The following TRABD2B variants were observed in gnomAD, a reference collection of about 807,000 sequenced individuals.
TRABD2B encodes metalloprotease TIKI2.
In TRABD2B, 14 loss-of-function variants were observed where a neutral mutation model predicts 40.1. That is an observed-to-expected ratio of 0.35 (90% CI 0.23 to 0.55). TRABD2B has a LOEUF of 0.55. TRABD2B is among the 20% of genes least tolerant of loss of function. The probability of loss-of-function intolerance (pLI) is 0.90; values close to 1 mark genes in which losing one functional copy is unlikely to be tolerated. For synonymous variants in TRABD2B, 263 were observed against 277.0 expected (o/e 0.95, Z 0.50); for missense variants, 541 against 648.6 (o/e 0.83, Z 1.80).
rs575902721 is a variant in TRABD2B at position 47,765,728 on chromosome 1, C to G, written c.*174G>C. 3.2e-6 allele frequency: 2 copies of G among 628,626 alleles called. No homozygotes were observed. Among genetic ancestry groups the G allele is most frequent in the Non-Finnish European group, 5.7e-6 (2 of 350,516 alleles). 38.9% of individuals were successfully genotyped at this position (628,626 alleles called of 1,614,324 possible). ...AGCACTATGGGAAATTAAGATCCTT[C>G]TACAAAAAAGAAGATGTAACTTGGG... On this transcript the variant is annotated 3_prime_UTR_variant, in exon 7 of 7. Transcript: ENST00000606738.
chr1:47,862,883 CA>C (rs932822688), intron 2 of TRABD2B, among the ~76,000 whole-genome samples: 16 of 152,072 alleles, frequency 1.1e-4, no homozygotes, highest in African/African-American at 3.9e-4. Flanking sequence ...AAAGAAAAGA[CA>C]AATAGATCAA....
chr1:47,870,493 ACCCACCTATGTCTGT>A (rs1262109379), intron 2 of TRABD2B, among the ~76,000 whole-genome samples: 2 of 152,080 alleles, frequency 1.3e-5, no homozygotes, highest in African/African-American at 4.8e-5. Flanking sequence ...TCTCCCAGGC[ACCCACCTATGTCTGT>A]CTGTGTCTTT....
chr1:47,868,300 A>G (rs1372799881), intron 2 of TRABD2B, among the ~76,000 whole-genome samples: 1 of 152,190 alleles, frequency 6.6e-6, no homozygotes, highest in Non-Finnish European at 1.5e-5. Context: ...TATGGCTGGT[A>G]AACACTTTTC....
At chr1:47,775,711 GA>G (rs1644436138) in intron 5 of TRABD2B, among the ~76,000 whole-genome samples, 1 of 152,196 alleles carries the variant, frequency 6.6e-6, no homozygotes, top group African/African-American at 2.4e-5. Flanking sequence ...CAGCATGATG[GA>G]AACAGACAAT....
Position 47,954,997 on chromosome 1 carries a change from A to G in TRABD2B, c.666+39037T>C, listed in dbSNP as rs560371983. ...ACTCCCTAGGGCCCAACTGCCTGACAGCCTGTCCACTTGAGTCCTTCACAT... is the reference window on the plus strand; with the variant it reads ...ACTCCCTAGGGCCCAACTGCCTGACGGCCTGTCCACTTGAGTCCTTCACAT... On this transcript the variant is annotated intron_variant, in intron 2 of 6. Coordinates refer to ENST00000606738, the MANE Select transcript of TRABD2B (RefSeq NM_001194986.2). Among the ~76,000 whole-genome samples, 14 of 152,132 alleles carry G rather than the reference A, an allele frequency of 9.2e-5. No homozygotes were observed. In the South Asian group the frequency reaches 2.9e-3, roughly 32 times the overall value.
At chr1:47,800,442 T>C (rs1356519071) in intron 3 of TRABD2B, among the ~76,000 whole-genome samples, 2 of 151,642 alleles carry the variant, frequency 1.3e-5, no homozygotes, top group Non-Finnish European at 2.9e-5. Flanking sequence ...AGCTGGTGAG[T>C]TGGGTTCGCA....
intron 2 of TRABD2B, among the ~76,000 whole-genome samples, chr1:47,834,878 A>G (rs1645298201): frequency 1.3e-5 from 2 of 152,226 alleles, no homozygotes; most frequent in South Asian, 2.1e-4. Context: ...CTAGAAATAC[A>G]TAGAAACAAG....
At chr1:47,846,619 C>T (rs1389828024) in intron 2 of TRABD2B, among the ~76,000 whole-genome samples, 2 of 152,058 alleles carry the variant, frequency 1.3e-5, no homozygotes, top group Non-Finnish European at 2.9e-5. Context: ...TCAGGGAAGG[C>T]AAGGCATCTG....
At chr1:47,832,326 C>T (rs1416418989) in intron 2 of TRABD2B, among the ~76,000 whole-genome samples, 3 of 151,258 alleles carry the variant, frequency 2.0e-5, no homozygotes, top group East Asian at 1.9e-4. Flanking sequence ...AGCAAGACTC[C>T]GTCTCAAAAA....
chr1:47,988,689 G>C (rs1645956543), intron 2 of TRABD2B, among the ~76,000 whole-genome samples: 1 of 152,136 alleles, frequency 6.6e-6, no homozygotes, highest in Admixed American at 6.5e-5. Flanking sequence ...TTTCAGACTT[G>C]GTTGGCCTAG....
intron 2 of TRABD2B, among the ~76,000 whole-genome samples, chr1:47,889,948 G>A (rs1225978688): frequency 6.6e-6 from 1 of 152,240 alleles, no homozygotes; most frequent in East Asian, 1.9e-4. Flanking sequence ...GGAAGCCAAA[G>A]TAAATTATTA....
chr1:47,849,310 T>C (rs147539116), intron 2 of TRABD2B, among the ~76,000 whole-genome samples: 1 of 152,134 alleles, frequency 6.6e-6, no homozygotes, highest in Admixed American at 6.5e-5. Flanking sequence ...TGTGTACAAC[T>C]GGACAATCAC....
At position 47,790,970 on chromosome 1, in the gene TRABD2B, A is replaced by T. The variant is rs532171130; in HGVS notation, c.988+3616T>A. On this transcript the variant is annotated intron_variant, in intron 4 of 6. Coordinates refer to ENST00000606738, the MANE Select transcript of TRABD2B (RefSeq NM_001194986.2). ...TTGGAGGTGAAATGGCTTTCCCAGCATCTCTTAGCTCACAGTGGCAGAGCC... is the reference window on the plus strand; with the variant it reads ...TTGGAGGTGAAATGGCTTTCCCAGCTTCTCTTAGCTCACAGTGGCAGAGCC... Among the ~76,000 whole-genome samples the T allele has an allele frequency of 2.6e-3, 391 of 152,326 alleles. 1 individual carries two copies. The highest frequency in any genetic ancestry group is 3.7e-3 in the Non-Finnish European group (250 of 68,020).
At chr1:47,965,924 G>A (rs1645595462) in intron 2 of TRABD2B, among the ~76,000 whole-genome samples, 1 of 152,062 alleles carries the variant, frequency 6.6e-6, no homozygotes, top group African/African-American at 2.4e-5. Flanking sequence ...CCGTCAAGAA[G>A]AATATTTTGC....
chr1:47,957,282 C>A (rs909215438), intron 2 of TRABD2B, among the ~76,000 whole-genome samples: 1 of 152,176 alleles, frequency 6.6e-6, no homozygotes, highest in African/African-American at 2.4e-5. Flanking sequence ...GCTGAAAATT[C>A]TAAAAATCAG....
At chr1:47,915,435 T>C (rs1187721137) in intron 2 of TRABD2B, among the ~76,000 whole-genome samples, 1 of 152,154 alleles carries the variant, frequency 6.6e-6, no homozygotes, top group Non-Finnish European at 1.5e-5. Context: ...GGCCCTACAT[T>C]GGATCATTAC....
intron 2 of TRABD2B, among the ~76,000 whole-genome samples, chr1:47,868,635 C>T (rs898500521): frequency 2.6e-5 from 4 of 152,164 alleles, no homozygotes; most frequent in African/African-American, 9.7e-5. Flanking sequence ...AATCTAATGC[C>T]TGATGATCTG....
intron 2 of TRABD2B, among the ~76,000 whole-genome samples, chr1:47,914,895 T>A (rs1005982583): frequency 2.0e-5 from 3 of 152,204 alleles, no homozygotes; most frequent in Admixed American, 1.3e-4. Context: ...ATGAACCAGA[T>A]AGACACAGTC....
chr1:47,920,329 G>A (rs116481319), intron 2 of TRABD2B, among the ~76,000 whole-genome samples: 2,116 of 152,320 alleles, frequency 0.014, 23 homozygotes, highest in Non-Finnish European at 0.019. Flanking sequence ...CTTAATCCCC[G>A]TCAAATTAGA....
Sources: allele counts gnomAD v4.1 joint callset (sites outside exome capture counted in the v4.1 genomes callset), GRCh38; gene constraint gnomAD v4.1.1; transcripts MANE v1.5; gene names NCBI Gene and HGNC (gene_info 2026-07-23, HGNC 2026-07-21).